Variants in PARN observed in about 807,000 individuals in gnomAD.
The protein encoded by PARN is poly(A)-specific ribonuclease PARN.
In PARN, 71 loss-of-function variants were observed where a neutral mutation model predicts 102.8. That is an observed-to-expected ratio of 0.69 (90% CI 0.57 to 0.84). The LOEUF (loss-of-function observed/expected upper bound fraction) is 0.84. Ranked by LOEUF, PARN falls within the 40% of genes least tolerant of loss-of-function variation. The pLI, the probability that PARN is intolerant of heterozygous loss-of-function variation, is 0.00. For synonymous variants in PARN, 261 were observed against 252.9 expected (o/e 1.03, Z -0.30); for missense variants, 782 against 760.9 (o/e 1.03, Z -0.33).
intron 18 of PARN, among the ~76,000 whole-genome samples, chr16:14,559,819 G>A (rs1224556061): frequency 6.6e-6 from 1 of 152,138 alleles, no homozygotes; most frequent in African/African-American, 2.4e-5. Flanking sequence ...AGAGGGAACT[G>A]AATAGCTCCA....
intron 21 of PARN, among the ~76,000 whole-genome samples, chr16:14,488,067 T>C (rs996884173): frequency 1.6e-4 from 24 of 152,100 alleles, no homozygotes; most frequent in Non-Finnish European, 5.9e-5. Context: ...GGTGCTGAGA[T>C]AAACTGACCA....
At chr16:14,628,524 A>G (rs756948966) in intron 2 of PARN, among the ~76,000 whole-genome samples, 10 of 152,224 alleles carry the variant, frequency 6.6e-5, no homozygotes, top group East Asian at 1.9e-4. Context: ...GTAAGAAAAC[A>G]ATCTCTATGC....
At chr16:14,489,731 G>C (rs1436239269) in intron 21 of PARN, among the ~76,000 whole-genome samples, 1 of 152,228 alleles carries the variant, frequency 6.6e-6, no homozygotes, top group African/African-American at 2.4e-5. Context: ...TGTAGCAACT[G>C]TTTGTGGGTG....
At chr16:14,557,758 T>A (rs758272196) in intron 18 of PARN, among the ~76,000 whole-genome samples, 20 of 152,220 alleles carry the variant, frequency 1.3e-4, no homozygotes, top group Middle Eastern at 3.2e-3. Flanking sequence ...TTCACTAATT[T>A]AGGCTCAAGT....
chr16:14,583,209 T>G (rs1341568455), intron 16 of PARN, among the ~76,000 whole-genome samples: 1 of 152,238 alleles, frequency 6.6e-6, no homozygotes, highest in Non-Finnish European at 1.5e-5. Context: ...CTGAATTCTC[T>G]ACCAGATACC....
intron 21 of PARN, among the ~76,000 whole-genome samples, chr16:14,546,041 G>C (rs1364600938): frequency 6.6e-6 from 1 of 152,074 alleles, no homozygotes; most frequent in African/African-American, 2.4e-5. Context: ...GTTCTTGAGA[G>C]AGATCAACAA....
intron 21 of PARN, among the ~76,000 whole-genome samples, chr16:14,530,515 C>T (rs1475217487): frequency 1.3e-5 from 2 of 150,518 alleles, no homozygotes; most frequent in Admixed American, 6.6e-5. Context: ...TACATCTGTA[C>T]GTACAGAACC....
intron 6 of PARN, among the ~76,000 whole-genome samples, chr16:14,613,926 G>A (rs1971695422): frequency 6.6e-6 from 1 of 152,122 alleles, no homozygotes; most frequent in African/African-American, 2.4e-5. Context: ...AAGTGAATCA[G>A]AAGCATGAGT....
chr16:14,624,872 A>G (rs1972544953), intron 5 of PARN, among the ~76,000 whole-genome samples: 1 of 152,070 alleles, frequency 6.6e-6, no homozygotes, highest in South Asian at 2.1e-4. Flanking sequence ...ACCAACATGG[A>G]AAAACCCTAT....
chr16:14,475,109 TAGAGGGAAG>T (rs943285574), intron 22 of PARN, among the ~76,000 whole-genome samples: 3 of 152,230 alleles, frequency 2.0e-5, no homozygotes, highest in African/African-American at 7.2e-5. Context: ...AAGGAAAGGC[TAGAGGGAAG>T]AGACTGGCCA....
chr16:14,485,601 T>C (rs556237747), intron 21 of PARN, among the ~76,000 whole-genome samples: 20 of 152,350 alleles, frequency 1.3e-4, no homozygotes, highest in Admixed American at 1.3e-3. Context: ...CCATCATTAT[T>C]CTGTACCAAT....
chr16:14,443,347 T>TC (rs898427727), intron 23 of PARN, among the ~76,000 whole-genome samples: 7 of 151,834 alleles, frequency 4.6e-5, no homozygotes, highest in African/African-American at 1.5e-4. Context: ...TTACTTTTTT[T>TC]TTTTTTTTTT....
intron 21 of PARN, among the ~76,000 whole-genome samples, chr16:14,518,873 A>G (rs1402953205): frequency 6.6e-6 from 1 of 152,176 alleles, no homozygotes; most frequent in Non-Finnish European, 1.5e-5. Context: ...AATGAACCCA[A>G]TGTCTCCAAC....
At chr16:14,502,140 T>C (rs1053284401) in intron 21 of PARN, among the ~76,000 whole-genome samples, 1 of 152,208 alleles carries the variant, frequency 6.6e-6, no homozygotes, top group African/African-American at 2.4e-5. Context: ...ATCTTTGAAC[T>C]GAGATGCTTT....
chr16:14,484,811 C>T, intron 21 of PARN, among the ~76,000 whole-genome samples: 1 of 151,756 alleles, frequency 6.6e-6, no homozygotes, highest in East Asian at 1.9e-4. Flanking sequence ...AAAAACAGAA[C>T]AAAACAGGAA....
chr16:14,537,234 T>A (rs1331001150), intron 21 of PARN, among the ~76,000 whole-genome samples: 1 of 152,024 alleles, frequency 6.6e-6, no homozygotes, highest in Non-Finnish European at 1.5e-5. Flanking sequence ...AAAACAACAG[T>A]AAGATACCAT....
At chr16:14,591,029 C>A (rs986262822) in intron 13 of PARN, among the ~76,000 whole-genome samples, 1 of 152,200 alleles carries the variant, frequency 6.6e-6, no homozygotes, top group East Asian at 1.9e-4. Flanking sequence ...GCAGGAGGAC[C>A]GCTTGAGCCC....
At chr16:14,538,380 C>G (rs986713572) in intron 21 of PARN, among the ~76,000 whole-genome samples, 6 of 151,866 alleles carry the variant, frequency 4.0e-5, no homozygotes, top group African/African-American at 1.5e-4. Context: ...CCACCATGCC[C>G]AGCTAATTTT....
At chr16:14,504,563 A>T (rs530913774) in intron 21 of PARN, among the ~76,000 whole-genome samples, 1 of 152,266 alleles carries the variant, frequency 6.6e-6, no homozygotes, top group East Asian at 1.9e-4. Context: ...CGTCTCAAAA[A>T]ATAAATAAAT....
Sources: allele counts gnomAD v4.1 joint callset (sites outside exome capture counted in the v4.1 genomes callset), GRCh38; gene constraint gnomAD v4.1.1; transcripts MANE v1.5; gene names NCBI Gene and HGNC (gene_info 2026-07-23, HGNC 2026-07-21).